Variants in NLGN1 observed in about 807,000 individuals in gnomAD.
NLGN1 encodes the protein neuroligin 1.
In NLGN1, 12 loss-of-function variants were observed where a neutral mutation model predicts 65.5. The observed-to-expected ratio is 0.18, with a 90% confidence interval of 0.12 to 0.30. The LOEUF is 0.30. Ranked by LOEUF, NLGN1 falls within the 10% of genes least tolerant of loss-of-function variation. The pLI, the probability that NLGN1 is intolerant of heterozygous loss-of-function variation, is 1.00. For synonymous variants in NLGN1, 350 were observed against 359.5 expected (o/e 0.97, Z 0.30); for missense variants, 750 against 1,007.1 (o/e 0.74, Z 3.46).
chr3:174,114,757 A>C (rs1193713771), intron 4 of NLGN1, among the ~76,000 whole-genome samples: 1 of 152,138 alleles, frequency 6.6e-6, no homozygotes, highest in Non-Finnish European at 1.5e-5. Flanking sequence ...TCATAGATGT[A>C]CCCAGAAAAT....
At chr3:173,490,443 A>C (rs1728920640) in intron 2 of NLGN1, among the ~76,000 whole-genome samples, 1 of 151,890 alleles carries the variant, frequency 6.6e-6, no homozygotes, top group Non-Finnish European at 1.5e-5. Flanking sequence ...GTTCTGTTCC[A>C]TTGGTCTATA....
chr3:174,026,629 G>A (rs1728889393), intron 4 of NLGN1, among the ~76,000 whole-genome samples: 1 of 152,166 alleles, frequency 6.6e-6, no homozygotes, highest in Non-Finnish European at 1.5e-5. Context: ...TAGAGTATGA[G>A]GTGGGGGAGA....
chr3:174,009,824 A>G (rs891592198), intron 4 of NLGN1, among the ~76,000 whole-genome samples: 1 of 152,156 alleles, frequency 6.6e-6, no homozygotes, highest in East Asian at 1.9e-4. Context: ...CCTTGAGAGG[A>G]CAATGGCTCA....
chr3:173,554,321 T>C (rs1741371651), intron 2 of NLGN1, among the ~76,000 whole-genome samples: 1 of 152,168 alleles, frequency 6.6e-6, no homozygotes, highest in Non-Finnish European at 1.5e-5. Flanking sequence ...AAATCTACAG[T>C]GAAGGTTAAG....
At chr3:174,013,338 A>G (rs144284011) in intron 4 of NLGN1, among the ~76,000 whole-genome samples, 1,853 of 152,316 alleles carry the variant, frequency 0.012, 18 homozygotes, top group Middle Eastern at 0.02. Context: ...AATGACTGCT[A>G]TTCCCCCTCA....
In NLGN1 at chr3:174,271,545, G is replaced by A. The variant is rs192513084; in HGVS notation, c.647-3770G>A. Among the ~76,000 whole-genome samples, 61 of 151,624 alleles carry A rather than the reference G, an allele frequency of 4.0e-4. 1 individual carries two copies. The highest frequency in any genetic ancestry group is 1.6e-3 in the Admixed American group (25 of 15,192). On this transcript the variant is annotated intron_variant, in intron 4 of 6. Transcript: ENST00000457714. The stretch of plus-strand genomic sequence containing the variant: ...GTTTTTATTTATTTTCCCCTTGTCC[G>A]GTTTATTTCAGGCCTGGTTATTTTT...
intron 2 of NLGN1, among the ~76,000 whole-genome samples, chr3:173,480,317 A>G (rs2148964233): frequency 6.6e-6 from 1 of 152,234 alleles, no homozygotes; most frequent in South Asian, 2.1e-4. Flanking sequence ...TTCCTGGAAA[A>G]GAAATGACGA....
rs1330384004 is a variant in NLGN1, at chr3:173,693,783, C to A, written c.493+88692C>A. Among the ~76,000 whole-genome samples, 6 of 151,970 alleles carry A rather than the reference C, an allele frequency of 3.9e-5. No individual in the cohort carries two copies. In the South Asian group the frequency reaches 1.2e-3, roughly 32 times the overall value. ...AAGGTTAATTTTCTTTAAAAGGTAA[C>A]AATGTAAGTTTTTTGTGTTATTTTG... On this transcript the variant is annotated intron_variant, in intron 3 of 6. Transcript: ENST00000457714.
intron 3 of NLGN1, chr3:173,800,340 G>T: frequency 1.6e-6 from 2 of 1,214,464 alleles, no homozygotes; most frequent in Non-Finnish European, 2.1e-6. Context: ...TAATGACGGT[G>T]CTGAAGATGA....
intron 3 of NLGN1, among the ~76,000 whole-genome samples, chr3:173,721,778 G>T (rs1341760026): frequency 6.6e-6 from 1 of 152,148 alleles, no homozygotes; most frequent in African/African-American, 2.4e-5. Flanking sequence ...TTGCCGCATA[G>T]TACAGCCACT....
intron 4 of NLGN1, among the ~76,000 whole-genome samples, chr3:174,133,925 C>CACACACAT (rs1454984381): frequency 6.7e-6 from 1 of 150,330 alleles, no homozygotes; most frequent in African/African-American, 2.5e-5. Context: ...CACACACACA[C>CACACACAT]ATATTTTTTA....
chr3:173,642,768 C>T (rs1440615036), intron 3 of NLGN1, among the ~76,000 whole-genome samples: 2 of 152,102 alleles, frequency 1.3e-5, no homozygotes, highest in Non-Finnish European at 2.9e-5. Context: ...CAAACATATC[C>T]AGCACCCAAT....
chr3:174,026,900 T>C (rs999654385), intron 4 of NLGN1, among the ~76,000 whole-genome samples: 6 of 152,100 alleles, frequency 3.9e-5, no homozygotes, highest in Admixed American at 3.3e-4. Flanking sequence ...GTACTAAATA[T>C]TTACATAATA....
At chr3:174,260,564 C>G (rs1280089203) in intron 4 of NLGN1, among the ~76,000 whole-genome samples, 17 of 142,584 alleles carry the variant, frequency 1.2e-4, no homozygotes, top group African/African-American at 4.2e-4. Flanking sequence ...TGTTTGAGTT[C>G]ATTGTAGATT....
intron 2 of NLGN1, among the ~76,000 whole-genome samples, chr3:173,443,323 A>C (rs1719561234): frequency 1.0e-5 from 1 of 95,984 alleles, no homozygotes; most frequent in East Asian, 7.5e-4. Context: ...TATATACTAT[A>C]TATATATATA....
chr3:173,984,516 A>G (rs182008235), intron 4 of NLGN1, among the ~76,000 whole-genome samples: 10 of 152,270 alleles, frequency 6.6e-5, no homozygotes, highest in Admixed American at 6.5e-4. Context: ...TCAAATTACT[A>G]TGTCTCTTTC....
At chr3:173,418,450 G>A (rs569221) in intron 1 of NLGN1, among the ~76,000 whole-genome samples, 24,704 of 151,980 alleles carry the variant, frequency 0.16, 2,267 homozygotes, top group Middle Eastern at 0.29. Context: ...CTTCCATAAA[G>A]GTCATAGCCC....
chr3:173,924,437 A>G (rs1742632383), intron 4 of NLGN1, among the ~76,000 whole-genome samples: 1 of 152,000 alleles, frequency 6.6e-6, no homozygotes, highest in Non-Finnish European at 1.5e-5. Flanking sequence ...GATGCATTCT[A>G]TTTTGTAATG....
rs148416238 is a variant in NLGN1 at position 173,661,876 on chromosome 3, C to T, written c.493+56785C>T. Among the ~76,000 whole-genome samples the T allele has an allele frequency of 3.9e-5, 6 of 152,058 alleles. No individual in the cohort carries two copies. The East Asian group carries it at 5.8e-4, about 15-fold the overall frequency. ...TTTATACCATGAGCATGGTAACAGG[C>T]AAATCAGAGCAGGAAGCAGGGTGCA... On this transcript the variant is annotated intron_variant, in intron 3 of 6. Transcript: ENST00000457714.
Sources: gnomAD v4.1 joint callset for allele counts (sites outside exome capture counted in the v4.1 genomes callset) on GRCh38, gnomAD v4.1.1 for gene constraint, MANE v1.5 for transcripts, NCBI Gene and HGNC (gene_info 2026-07-23, HGNC 2026-07-21) for gene names.